Variants in FAF1 observed in about 807,000 individuals in gnomAD.
FAF1 encodes the protein FAS-associated factor 1.
In FAF1, 25 loss-of-function variants were observed where a neutral mutation model predicts 92.5. The ratio of observed to expected loss-of-function variants is 0.27; its 90% CI spans 0.20 to 0.38. The LOEUF (loss-of-function observed/expected upper bound fraction) is 0.38, where lower values mean the gene tolerates loss of function less well. Ranked by LOEUF, FAF1 falls within the 10% of genes least tolerant of loss-of-function variation. The pLI is 1.00. For synonymous variants in FAF1, 234 were observed against 273.2 expected (o/e 0.86, Z 1.42); for missense variants, 636 against 793.3 (o/e 0.80, Z 2.38).
intron 15 of FAF1, among the ~76,000 whole-genome samples, chr1:50,495,646 A>G (rs1646889306): frequency 6.6e-6 from 1 of 152,216 alleles, no homozygotes; most frequent in Non-Finnish European, 1.5e-5. Flanking sequence ...TTGCTGGATC[A>G]TATGGTAGCT....
intron 7 of FAF1, among the ~76,000 whole-genome samples, chr1:50,680,165 TAGA>T (rs1321784502): frequency 6.6e-6 from 1 of 152,188 alleles, no homozygotes; most frequent in Non-Finnish European, 1.5e-5. Context: ...AGATTGATAA[TAGA>T]AGTACTGAAT....
At chr1:50,598,462 TAAAAAAA>T (rs890794436) in intron 8 of FAF1, among the ~76,000 whole-genome samples, 2 of 112,364 alleles carry the variant, frequency 1.8e-5, no homozygotes, top group South Asian at 2.8e-4. Context: ...AACCTGTCTT[TAAAAAAA>T]AAAAAAAAAA....
chr1:50,612,518 G>A (rs1652728428), intron 8 of FAF1: 1 of 983,366 alleles, frequency 1.0e-6, no homozygotes, highest in South Asian at 4.7e-5. Context: ...GTACCAACGA[G>A]CCACTTGGCT....
At chr1:50,744,972 T>G (rs1659529182) in intron 4 of FAF1, among the ~76,000 whole-genome samples, 197 bp from the exon 5 acceptor site, 1 of 152,146 alleles carries the variant, frequency 6.6e-6, no homozygotes, top group Non-Finnish European at 1.5e-5. Context: ...TGACAAAAGA[T>G]AGCATACATT....
At chr1:50,772,684 C>T (rs1223406624) in intron 4 of FAF1, among the ~76,000 whole-genome samples, 2 of 152,096 alleles carry the variant, frequency 1.3e-5, no homozygotes, top group African/African-American at 4.8e-5. Flanking sequence ...GAACAACAGA[C>T]ACTGGGGACT....
chr1:50,670,145 A>T (rs1307054408), intron 7 of FAF1, among the ~76,000 whole-genome samples: 1 of 151,900 alleles, frequency 6.6e-6, no homozygotes, highest in African/African-American at 2.4e-5. Flanking sequence ...AAAAAAAAAA[A>T]AATTAAACTT....
At chr1:50,576,115 T>C (rs575759231) in intron 12 of FAF1, among the ~76,000 whole-genome samples, 1 of 152,254 alleles carries the variant, frequency 6.6e-6, no homozygotes, top group Non-Finnish European at 1.5e-5. Context: ...TTTGTTATTT[T>C]ACAAACATTT....
chr1:50,544,074 A>C (rs1209133056), intron 13 of FAF1, among the ~76,000 whole-genome samples: 3 of 152,182 alleles, frequency 2.0e-5, no homozygotes, highest in Admixed American at 1.3e-4. Flanking sequence ...CCATGAGAAC[A>C]GTCAAGGACA....
intron 2 of FAF1, among the ~76,000 whole-genome samples, chr1:50,818,395 T>A (rs1643998547): frequency 6.6e-6 from 1 of 152,146 alleles, no homozygotes; most frequent in Admixed American, 6.6e-5. Flanking sequence ...ACAATTCCAC[T>A]CTTAAGAATT....
At chr1:50,535,314 T>G (rs960285730) in intron 15 of FAF1, 55 bp downstream of exon 15, 3 of 1,179,804 alleles carry the variant, frequency 2.5e-6, no homozygotes, top group Non-Finnish European at 3.8e-6. Context: ...ATTTGACAAA[T>G]TAAAATCCTA....
At chr1:50,655,960 A>AG (rs1367151116) in intron 7 of FAF1, among the ~76,000 whole-genome samples, 3 of 152,176 alleles carry the variant, frequency 2.0e-5, no homozygotes, top group Non-Finnish European at 4.4e-5. Context: ...TTGAAGGGCA[A>AG]GGGGGGCAGG....
chr1:50,605,915 C>T lies in FAF1; in HGVS notation c.745-9699G>A, dbSNP rs189894665. 5.8e-3 allele frequency among the ~76,000 whole-genome samples: 887 copies of T among 152,272 alleles called. 3 individuals are homozygous for T. The highest frequency in any genetic ancestry group is 0.017 in the Middle Eastern group (5 of 294). ...GTTATTATATGTCAGGCACTTGGAT[C>T]CAAATAACCTGGCCTTGGAGCCAGG... On this transcript the variant is annotated intron_variant, in intron 8 of 18. Transcript: ENST00000396153.
At chr1:50,632,522 T>C (rs980699475) in intron 8 of FAF1, among the ~76,000 whole-genome samples, 11 of 152,188 alleles carry the variant, frequency 7.2e-5, no homozygotes, top group African/African-American at 2.7e-4. Flanking sequence ...ATTCTCAAGT[T>C]ACTTCTCTAT....
intron 1 of FAF1, among the ~76,000 whole-genome samples, chr1:50,936,883 G>A (rs1045166090): frequency 8.5e-5 from 13 of 152,076 alleles, no homozygotes; most frequent in Non-Finnish European, 1.9e-4. Flanking sequence ...TTTTTACACT[G>A]GGAGAAACTT....
intron 6 of FAF1, among the ~76,000 whole-genome samples, chr1:50,720,935 A>G (rs553104783): frequency 6.6e-6 from 1 of 152,262 alleles, no homozygotes; most frequent in South Asian, 2.1e-4. Context: ...TCCTTTCTGT[A>G]GCTCAGGATG....
At chr1:50,785,610 C>CAA (rs201585272) in intron 4 of FAF1, among the ~76,000 whole-genome samples, 6 of 103,946 alleles carry the variant, frequency 5.8e-5, no homozygotes, top group African/African-American at 2.1e-4. Flanking sequence ...GGCTACTATA[C>CAA]AAAAAAAAAA....
chr1:50,503,601 T>A (rs1647018421), intron 15 of FAF1, among the ~76,000 whole-genome samples: 1 of 147,062 alleles, frequency 6.8e-6, no homozygotes, highest in Non-Finnish European at 1.5e-5. Context: ...GGCAACAGAG[T>A]GATTCCCTGT....
intron 13 of FAF1, among the ~76,000 whole-genome samples, chr1:50,552,190 A>C (rs942220813): frequency 6.6e-6 from 1 of 151,602 alleles, no homozygotes; most frequent in Non-Finnish European, 1.5e-5. Flanking sequence ...CCAGCTACTC[A>C]GGAGGTTGAG....
At chr1:50,760,442 G>C (rs188315786) in intron 4 of FAF1, among the ~76,000 whole-genome samples, 7 of 152,172 alleles carry the variant, frequency 4.6e-5, no homozygotes, top group Non-Finnish European at 8.8e-5. Flanking sequence ...TGGAAGTAAA[G>C]CTCTCCTCTG....
Sources: gnomAD v4.1 joint callset for allele counts (sites outside exome capture counted in the v4.1 genomes callset) on GRCh38, gnomAD v4.1.1 for gene constraint, MANE v1.5 for transcripts, NCBI Gene and HGNC (gene_info 2026-07-23, HGNC 2026-07-21) for gene names.